ZNF429: variants seen among roughly 807,000 people sequenced by gnomAD.
ZNF429 encodes zinc finger protein 429.
In ZNF429, 53 loss-of-function variants were observed where a neutral mutation model predicts 56.8. The ratio of observed to expected loss-of-function variants is 0.93; its 90% confidence interval spans 0.75 to 1.17. ZNF429 has a LOEUF of 1.17. ZNF429 is among the 50% of genes most tolerant of loss of function. ZNF429 has a pLI of 0.00. For synonymous variants in ZNF429, 278 were observed against 264.7 expected (o/e 1.05, Z -0.49); for missense variants, 849 against 788.4 (o/e 1.08, Z -0.92).
chr19:21,531,106 C>CAAAAAA, intron 3 of ZNF429, among the ~76,000 whole-genome samples: 1 of 17,532 alleles, frequency 5.7e-5, no homozygotes, highest in African/African-American at 3.0e-4. Flanking sequence ...AACTCCATCT[C>CAAAAAA]AAAAAAAAAA....
At chr19:21,523,754 C>T (rs1157657400) in intron 1 of ZNF429, among the ~76,000 whole-genome samples, 5 of 152,204 alleles carry the variant, frequency 3.3e-5, no homozygotes, top group Non-Finnish European at 7.3e-5. Context: ...TCAAGCTTGG[C>T]CCAAATAAAC....
chr19:21,536,955 C>G lies in ZNF429; in HGVS notation c.902C>G (p.Thr301Ser), dbSNP rs964422158. 4 of 1,613,858 alleles carry G rather than the reference C, an allele frequency of 2.5e-6. No individual in the cohort carries two copies. The highest frequency in any genetic ancestry group is 3.4e-6 in the Non-Finnish European group (4 of 1,179,918). ...GKTFSISSTF[T>S]KHKIIHTEEK... ...ACCTTTAGCATATCCTCAACCTTTA[C>G]TAAACATAAGATAATTCATACTGAA... is the stretch of plus-strand genomic sequence containing the variant. Residue 301 changes from threonine to serine, a missense_variant, in exon 4 of 4, where the codon ACT (threonine) becomes AGT (serine). Transcript: ENST00000358491.
intron 1 of ZNF429, among the ~76,000 whole-genome samples, chr19:21,513,766 AAG>A (rs757344914): frequency 1.3e-5 from 2 of 152,202 alleles, no homozygotes; most frequent in African/African-American, 4.8e-5. Flanking sequence ...CTCTTAGGGT[AAG>A]AGAGGATGAA....
chr19:21,536,183 G>A, intron 3 of ZNF429, 97 bp from the exon 4 acceptor site: 1 of 1,266,286 alleles, frequency 7.9e-7, no homozygotes, highest in South Asian at 1.6e-5. Flanking sequence ...ATGCTGTGTT[G>A]CTTACGTAGT....
chr19:21,529,785 G>A lies in ZNF429; in HGVS notation c.130+1G>A. On this transcript the variant is annotated splice_donor_variant, in intron 2 of 3. Transcript: ENST00000358491. LOFTEE classifies it high-confidence loss of function. ...AACTACAGAAACTTGGTCTTCCTGGGTGAGAATAACTTCAATACAACATTC... is the reference window on the plus strand; with the variant it reads ...AACTACAGAAACTTGGTCTTCCTGGATGAGAATAACTTCAATACAACATTC... 1.3e-6 allele frequency: 2 copies of A among 1,563,310 alleles called. No homozygotes were observed. The highest frequency in any genetic ancestry group is 1.2e-5 in the South Asian group (1 of 86,696).
chr19:21,529,345 A>G lies in ZNF429; in HGVS notation c.4-313A>G, dbSNP rs139333469. 1.1e-4 allele frequency: 26 copies of G among 231,336 alleles called. No individual in the cohort carries two copies. In the East Asian group the frequency reaches 4.3e-3, roughly 38 times the overall value. The allele number at this position is 231,336 out of a possible 1,614,324, so 14.3% of individuals were successfully genotyped here. A position where few individuals can be genotyped will look rare whatever the true frequency, so the allele number is the denominator to read the frequency against. ...TACACAACTCATTCTGTAAGATGTAAACATAGCACTCAAAAATGTATGTTT... is the reference window on the plus strand; with the variant it reads ...TACACAACTCATTCTGTAAGATGTAGACATAGCACTCAAAAATGTATGTTT... On this transcript the variant is annotated intron_variant, in intron 1 of 3. Coordinates refer to ENST00000358491, the MANE Select transcript of ZNF429 (RefSeq NM_001001415.4).
chr19:21,521,561 C>T (rs1294009488), intron 1 of ZNF429: 2 of 152,136 alleles, frequency 1.3e-5, no homozygotes, highest in African/African-American at 4.8e-5. Flanking sequence ...ATTTTCTGGC[C>T]TACTTGATCA....
At position 21,536,645 on chromosome 19, in the gene ZNF429, G is replaced by A. The variant is rs771405438; in HGVS notation, c.592G>A (p.Glu198Lys). ...TCAACATAAGAAAATTCATATTAGA[G>A]AGAATACCTACAGATGTAAAGAATT... ...LTQHKKIHIRENTYRCKEFGN... is the reference protein window; with the variant it reads ...LTQHKKIHIRKNTYRCKEFGN... The change falls in exon 4 of 4, where the codon GAG becomes AAG. Residue 198 changes from glutamate (E) to lysine (K), a missense_variant. Glu to Lys is a moderately conservative substitution (Grantham distance 56). Transcript: ENST00000358491. 1.9e-6 allele frequency: 3 copies of A among 1,613,710 alleles called. No individual in the cohort carries two copies. Among genetic ancestry groups the A allele is most frequent in the South Asian group, 2.2e-5 (2 of 91,066 alleles).
At position 21,537,063 on chromosome 19, in the gene ZNF429, G is replaced by A. The variant is rs2033715990; in HGVS notation, c.1010G>A (p.Gly337Asp). ...TLTSHKRIHT[G>D]EKPYKCEECG... ...ACTAGCCATAAGAGAATACATACTG[G>A]TGAGAAACCCTACAAATGTGAAGAA... is the stretch of plus-strand genomic sequence containing the variant. Residue 337 changes from glycine (G) to aspartate (D), a missense_variant, in exon 4 of 4, where the codon GGT becomes GAT. Transcript: ENST00000358491. 6.2e-6 allele frequency: 10 copies of A among 1,613,694 alleles called. No individual in the cohort carries two copies. The highest frequency in any genetic ancestry group is 7.6e-6 in the Non-Finnish European group (9 of 1,179,906).
At position 21,536,411 on chromosome 19, in the gene ZNF429, G is replaced by A. The variant is rs62108336; in HGVS notation, c.358G>A (p.Val120Ile). The change falls in exon 4 of 4, where the codon GTA becomes ATA. Residue 120 changes from valine to isoleucine, a missense_variant. Val to Ile is a conservative substitution (Grantham distance 29). Coordinates refer to ENST00000358491, the MANE Select transcript of ZNF429 (RefSeq NM_001001415.4). ...NLQLRKGYKT[V>I]GDCKLYKGGY... ...ACAATTAAGAAAAGGCTATAAAACT[G>A]TAGGTGATTGTAAGCTATACAAAGG... is the stretch of plus-strand genomic sequence containing the variant. 0.018 allele frequency: 28,519 copies of A among 1,613,810 alleles called. 349 individuals carry two copies. Among genetic ancestry groups the A allele is most frequent in the Non-Finnish European group, 0.022 (26,142 of 1,179,846 alleles).
At chr19:21,520,931 T>C (rs187616618) in intron 1 of ZNF429, among the ~76,000 whole-genome samples, 1 of 152,332 alleles carries the variant, frequency 6.6e-6, no homozygotes, top group East Asian at 1.9e-4. Context: ...GGCCACAATA[T>C]TTACTTTGAA....
At chr19:21,510,318 G>A (rs1038325802) in intron 1 of ZNF429, among the ~76,000 whole-genome samples, 8 of 152,124 alleles carry the variant, frequency 5.3e-5, no homozygotes, top group African/African-American at 1.9e-4. Flanking sequence ...TGGCTCAGAC[G>A]GAGGGCAGCC....
At chr19:21,533,199 T>C in intron 3 of ZNF429, among the ~76,000 whole-genome samples, 1 of 152,036 alleles carries the variant, frequency 6.6e-6, no homozygotes, top group Admixed American at 6.6e-5. Flanking sequence ...TGCATATCTC[T>C]ACAAATTAGT....
chr19:21,519,700 C>T (rs1436051950), intron 1 of ZNF429, among the ~76,000 whole-genome samples: 1 of 152,142 alleles, frequency 6.6e-6, no homozygotes, highest in African/African-American at 2.4e-5. Flanking sequence ...TCTGAGTGCA[C>T]TCAATAAAAT....
intron 1 of ZNF429, among the ~76,000 whole-genome samples, chr19:21,524,726 A>G (rs753560674): frequency 1.6e-4 from 25 of 152,222 alleles, no homozygotes; most frequent in Middle Eastern, 6.8e-3. Context: ...CCCTCTCTCA[A>G]TTAGCTAGGT....
chr19:21,506,760 G>GTTTTTTTTTTTTTTTTT (rs539545648), intron 1 of ZNF429, among the ~76,000 whole-genome samples: 2 of 119,660 alleles, frequency 1.7e-5, no homozygotes, highest in Non-Finnish European at 3.4e-5. Context: ...ATTTGAGTTA[G>GTTTTTTTTTTTTTTTTT]TTTTTTGTTT....
chr19:21,521,891 A>G (rs927108268), intron 1 of ZNF429: 1 of 152,406 alleles, frequency 6.6e-6, no homozygotes, highest in East Asian at 1.9e-4. Flanking sequence ...GGATCTCCTC[A>G]TGCAGCTCAG....
intron 1 of ZNF429, chr19:21,506,142 C>T (rs2032133278): frequency 6.1e-6 from 1 of 164,938 alleles, no homozygotes; most frequent in Non-Finnish European, 1.3e-5. Context: ...CGTGGGGTTC[C>T]CAGTTCCCAT....
At chr19:21,530,062 G>C in intron 2 of ZNF429, among the ~76,000 whole-genome samples, 1 of 152,000 alleles carries the variant, frequency 6.6e-6, no homozygotes, top group Non-Finnish European at 1.5e-5. Flanking sequence ...ACAGTGGCAG[G>C]CACCTGTAGT....
Sources: gnomAD v4.1 joint callset for allele counts (sites outside exome capture counted in the v4.1 genomes callset) on GRCh38, gnomAD v4.1.1 for gene constraint, MANE v1.5 for transcripts, NCBI Gene and HGNC (gene_info 2026-07-23, HGNC 2026-07-21) for gene names.